Variants in IQSEC1 observed in about 807,000 individuals in gnomAD.
The protein encoded by IQSEC1 is IQ motif and Sec7 domain ArfGEF 1.
In IQSEC1, 31 loss-of-function variants were observed where a neutral mutation model predicts 91.0. The ratio of observed to expected loss-of-function variants is 0.34; its 90% confidence interval spans 0.26 to 0.46. IQSEC1 has a LOEUF of 0.46. Ranked by LOEUF, IQSEC1 falls within the 20% of genes least tolerant of loss-of-function variation. IQSEC1 has a pLI of 1.00. For synonymous variants in IQSEC1, 699 were observed against 662.6 expected (o/e 1.05, Z -0.84); for missense variants, 1,388 against 1,575.6 (o/e 0.88, Z 2.02).
At chr3:13,025,781 G>A (rs1165398582) in intron 1 of IQSEC1, among the ~76,000 whole-genome samples, 2 of 152,282 alleles carry the variant, frequency 1.3e-5, no homozygotes, top group East Asian at 3.9e-4. Flanking sequence ...CTGGGGGTCC[G>A]TGCAGCCTCT....
At chr3:13,019,793 C>G (rs1397743788) in intron 1 of IQSEC1, among the ~76,000 whole-genome samples, 1 of 152,170 alleles carries the variant, frequency 6.6e-6, no homozygotes, top group Non-Finnish European at 1.5e-5. Context: ...GGTGAGGAGG[C>G]CACCCGCCAG....
In IQSEC1 at chr3:13,103,786, G is replaced by A. The variant is rs549756769; in HGVS notation, c.303-56264C>T. Among the ~76,000 whole-genome samples the A allele has an allele frequency of 2.6e-5, 4 of 152,260 alleles. No homozygotes were observed. The highest frequency in any genetic ancestry group is 7.2e-5 in the African/African-American group (3 of 41,554). On this transcript the variant is annotated intron_variant, in intron 2 of 15. Coordinates refer to the IQSEC1 transcript ENST00000648114. The surrounding 1 kb of genome is among the most constrained non-coding windows in gnomAD (Gnocchi z 4.1). ...TATTCCATGTTGCCTACCACCCTAC[G>A]AGGGCAGGGGCTGTGTCTGCCTCCA...
chr3:13,274,809 C>T (rs1417959876), intron 1 of IQSEC1, among the ~76,000 whole-genome samples: 1 of 152,242 alleles, frequency 6.6e-6, no homozygotes, highest in African/African-American at 2.4e-5. Flanking sequence ...CAGCTGGGTG[C>T]AACCACTGTC....
chr3:13,261,144 G>T (rs1425903406), intron 1 of IQSEC1, among the ~76,000 whole-genome samples: 1 of 152,222 alleles, frequency 6.6e-6, no homozygotes, highest in African/African-American at 2.4e-5. Flanking sequence ...TGGGGAGGCC[G>T]CCCAGGCGCC....
chr3:13,199,187 C>T (rs1015461734), intron 1 of IQSEC1, among the ~76,000 whole-genome samples: 2 of 152,266 alleles, frequency 1.3e-5, no homozygotes, highest in Admixed American at 6.5e-5. Context: ...GCTCTCAGCC[C>T]GGAGGAGGCA....
At chr3:13,114,750 G>A (rs188304676) in intron 2 of IQSEC1, among the ~76,000 whole-genome samples, 2 of 144,896 alleles carry the variant, frequency 1.4e-5, no homozygotes, top group African/African-American at 2.6e-5. Flanking sequence ...CCAAGATCAC[G>A]TCACTGCACT....
At chr3:13,041,652 G>A (rs1474493501) in intron 1 of IQSEC1, among the ~76,000 whole-genome samples, 3 of 152,150 alleles carry the variant, frequency 2.0e-5, no homozygotes, top group Non-Finnish European at 2.9e-5. Flanking sequence ...GAACACACAC[G>A]CTCGGAAGAA....
intron 2 of IQSEC1, among the ~76,000 whole-genome samples, chr3:13,156,605 T>G (rs902464960): frequency 6.6e-6 from 1 of 152,200 alleles, no homozygotes; most frequent in South Asian, 2.1e-4. Context: ...GAGACCAAAA[T>G]AGCATGCTGT....
At chr3:13,237,420 A>G (rs1483259078) in intron 1 of IQSEC1, among the ~76,000 whole-genome samples, 1 of 152,164 alleles carries the variant, frequency 6.6e-6, no homozygotes, top group African/African-American at 2.4e-5. Context: ...TCCCATTCTG[A>G]AGGTTTCTTC....
rs560582952 is a variant in IQSEC1 at position 12,898,009 on chromosome 3, G to T, written c.*2974C>A. 7 of 152,210 alleles carry T rather than the reference G, an allele frequency of 4.6e-5. No homozygotes were observed. Among genetic ancestry groups the T allele is most frequent in the African/African-American group, 1.4e-4 (6 of 41,450 alleles). 9.4% of individuals were successfully genotyped at this position (152,210 alleles called of 1,614,324 possible). A position where few individuals can be genotyped will look rare whatever the true frequency, so the allele number is the denominator to read the frequency against. On this transcript the variant is annotated 3_prime_UTR_variant, in exon 14 of 14. Coordinates refer to ENST00000613206, the MANE Select transcript of IQSEC1 (RefSeq NM_001134382.3). Reference sequence around the variant, plus strand: ...CACATTGCCAGCTGTTTCCCTCAGCGTCTCCTGCTCCTGTCAGCAATTCTG... The same window carrying T: ...CACATTGCCAGCTGTTTCCCTCAGCTTCTCCTGCTCCTGTCAGCAATTCTG...
At chr3:13,168,735 C>T (rs1464885657) in intron 1 of IQSEC1, among the ~76,000 whole-genome samples, 2 of 152,292 alleles carry the variant, frequency 1.3e-5, no homozygotes, top group South Asian at 2.1e-4. Context: ...AAGATCTGTC[C>T]TGTCCCTGGC....
chr3:13,192,337 CAAAA>C (rs540610255), intron 1 of IQSEC1, among the ~76,000 whole-genome samples: 4 of 94,970 alleles, frequency 4.2e-5, no homozygotes, highest in Non-Finnish European at 4.8e-5. Context: ...GACTCTGTCT[CAAAA>C]AAAAAAAAAA....
intron 1 of IQSEC1, among the ~76,000 whole-genome samples, chr3:13,053,511 G>A (rs1559742726): frequency 1.3e-5 from 2 of 152,354 alleles, no homozygotes; most frequent in Admixed American, 6.5e-5. Flanking sequence ...GACCTTGTGT[G>A]TTCCTGAGAC....
intron 2 of IQSEC1, among the ~76,000 whole-genome samples, chr3:13,146,908 G>A (rs1038082223): frequency 6.6e-6 from 1 of 152,206 alleles, no homozygotes; most frequent in African/African-American, 2.4e-5. Context: ...GGGTGTGGAA[G>A]TCAAGGGTCC....
rs1693942008 is a variant in IQSEC1 at position 12,899,076 on chromosome 3, T to C, written c.*1907A>G. On this transcript the variant is annotated 3_prime_UTR_variant, in exon 14 of 14. Coordinates refer to ENST00000613206, the MANE Select transcript of IQSEC1 (RefSeq NM_001134382.3). ...ATTTTTAAAAAGGCTAAACTCTAGA[T>C]TGCTGTATTTGCTCTCTCTGGAGAT... 2.4e-6 allele frequency: 1 copy of C among 416,492 alleles called. No homozygotes were observed. The highest frequency in any genetic ancestry group is 4.4e-6 in the Non-Finnish European group (1 of 227,650). The allele number at this position is 416,492 out of a possible 1,614,324, so 25.8% of individuals were successfully genotyped here.
chr3:13,039,176 T>G (rs1704158523), intron 1 of IQSEC1, among the ~76,000 whole-genome samples: 1 of 152,230 alleles, frequency 6.6e-6, no homozygotes, highest in South Asian at 2.1e-4. Flanking sequence ...CACAATGGCC[T>G]TTGGGCCAGA....
intron 1 of IQSEC1, among the ~76,000 whole-genome samples, chr3:12,959,270 G>A (rs1036085934): frequency 6.6e-6 from 1 of 152,212 alleles, no homozygotes; most frequent in Non-Finnish European, 1.5e-5. Flanking sequence ...AGGGTGGCAG[G>A]GGCGCAGCCT....
intron 6 of IQSEC1, among the ~76,000 whole-genome samples, chr3:12,918,201 G>C (rs1366667106): frequency 3.3e-5 from 5 of 152,238 alleles, no homozygotes; most frequent in Non-Finnish European, 7.3e-5. Context: ...GCTCTGGGCT[G>C]AAAAGGGGTG....
chr3:13,005,404 TG>T (rs1702594035), intron 1 of IQSEC1, among the ~76,000 whole-genome samples: 1 of 152,152 alleles, frequency 6.6e-6, no homozygotes, highest in Non-Finnish European at 1.5e-5. Context: ...CCAGTGTTAC[TG>T]GCCTGCCTGC....
Sources: gnomAD v4.1 joint callset for allele counts (sites outside exome capture counted in the v4.1 genomes callset) on GRCh38, gnomAD v4.1.1 for gene constraint, Gnocchi (gnomAD v3.1) non-coding constraint, MANE v1.5 for transcripts, NCBI Gene and HGNC (gene_info 2026-07-23, HGNC 2026-07-21) for gene names.